The following SIRT4 variants were observed in gnomAD, a reference collection of about 807,000 sequenced individuals.
The protein encoded by SIRT4 is NAD-dependent protein lipoamidase sirtuin-4, mitochondrial.
Under a neutral mutation model 26.1 loss-of-function variants are expected in SIRT4, and 23 were observed. That is an observed-to-expected ratio of 0.88 (90% CI 0.63 to 1.25). SIRT4 has a LOEUF of 1.25. Ranked by LOEUF, SIRT4 falls within the 50% of genes most tolerant of loss-of-function variation. The pLI is 0.00. For missense variants in SIRT4, 361 were observed against 405.4 expected (o/e 0.89, Z 0.94); for synonymous variants, 155 against 158.4 (o/e 0.98, Z 0.16).
intron 2 of SIRT4, among the ~76,000 whole-genome samples, chr12:120,311,711 G>A (rs1364598845): frequency 8.5e-6 from 1 of 117,202 alleles, no homozygotes. Context: ...CTCCAACCTG[G>A]GCAATGAGAG....
rs1335125888 is a variant in SIRT4 at position 120,305,613 on chromosome 12, A to T, written c.497+1555A>T. On this transcript the variant is annotated intron_variant, in intron 2 of 3. Transcript: ENST00000202967. Reference sequence around the variant, plus strand: ...TCTCATCCCTCATGGGTCCAGGATCACTCTAGGGGAATTAATTCCCTAACA... The same window carrying T: ...TCTCATCCCTCATGGGTCCAGGATCTCTCTAGGGGAATTAATTCCCTAACA... Among the ~76,000 whole-genome samples, 5 of 152,026 alleles carry T rather than the reference A, an allele frequency of 3.3e-5. No individual in the cohort carries two copies. The East Asian group carries it at 9.7e-4, about 29-fold the overall frequency.
intron 2 of SIRT4, among the ~76,000 whole-genome samples, chr12:120,306,504 CAG>C (rs1872752330): frequency 6.7e-6 from 1 of 148,336 alleles, no homozygotes; most frequent in African/African-American, 2.5e-5. Flanking sequence ...AACAAAAAAA[CAG>C]AGAAAGGAAA....
intron 2 of SIRT4, among the ~76,000 whole-genome samples, chr12:120,306,934 T>A (rs1171050876): frequency 1.3e-5 from 2 of 152,208 alleles, no homozygotes; most frequent in African/African-American, 4.8e-5. Context: ...GCTAGATACA[T>A]AGACCATAAC....
At chr12:120,292,931 T>C in the SIRT4 span, among the ~76,000 whole-genome samples, 1 of 152,160 alleles carries the variant, frequency 6.6e-6, no homozygotes, top group African/African-American at 2.4e-5. Flanking sequence ...TAAACGCAAA[T>C]CACTAAAACA....
the SIRT4 span, among the ~76,000 whole-genome samples, chr12:120,296,826 G>A: frequency 6.6e-6 from 1 of 151,832 alleles, no homozygotes; most frequent in African/African-American, 2.4e-5. Flanking sequence ...TTAATTCACA[G>A]CCTGGATAAA....
the SIRT4 span, among the ~76,000 whole-genome samples, chr12:120,293,574 T>C: frequency 6.6e-6 from 1 of 152,220 alleles, no homozygotes; most frequent in East Asian, 1.9e-4. Flanking sequence ...AAGACGATTA[T>C]TGTTTTGTCT....
At chr12:120,295,384 T>G in the SIRT4 span, among the ~76,000 whole-genome samples, 13 of 146,108 alleles carry the variant, frequency 8.9e-5, no homozygotes, top group South Asian at 2.3e-3. Context: ...CTGGCTAATT[T>G]TATATATATA....
intron 2 of SIRT4, among the ~76,000 whole-genome samples, chr12:120,306,710 C>T (rs529005439): frequency 6.6e-6 from 1 of 150,994 alleles, no homozygotes; most frequent in African/African-American, 2.4e-5. Context: ...GGCTGAGGCA[C>T]GAGAGTCGCC....
the SIRT4 span, among the ~76,000 whole-genome samples, chr12:120,295,419 A>AAATT: frequency 1.2e-5 from 1 of 81,348 alleles, no homozygotes; most frequent in African/African-American, 4.2e-5. Context: ...TATATAGATA[A>AAATT]TTTTTTTTTT....
At chr12:120,307,582 G>A (rs1229321254) in intron 2 of SIRT4, among the ~76,000 whole-genome samples, 3 of 152,240 alleles carry the variant, frequency 2.0e-5, no homozygotes, top group East Asian at 1.9e-4. Flanking sequence ...ATAATTGGCC[G>A]GGCACGGTGG....
At chr12:120,294,326 G>C in the SIRT4 span, among the ~76,000 whole-genome samples, 1 of 150,264 alleles carries the variant, frequency 6.7e-6, no homozygotes, top group African/African-American at 2.5e-5. Context: ...TTTTTGAGAC[G>C]AAGTTTTGCT....
chr12:120,293,220 C>G, the SIRT4 span: 1 of 152,184 alleles, frequency 6.6e-6, no homozygotes, highest in South Asian at 2.1e-4. Flanking sequence ...GGCTACGATA[C>G]TGCCACTGCG....
the SIRT4 span, among the ~76,000 whole-genome samples, chr12:120,297,229 A>ATAC: frequency 4.7e-4 from 51 of 108,816 alleles, no homozygotes; most frequent in East Asian, 0.011. Context: ...TCTCAAAATA[A>ATAC]ATAAATACAT....
At chr12:120,299,092 G>A (rs1444314321), upstream of SIRT4, among the ~76,000 whole-genome samples, 1 of 149,674 alleles carries the variant, frequency 6.7e-6, no homozygotes, top group Admixed American at 6.7e-5. Flanking sequence ...TTAGCCGGGT[G>A]TGGTGGCGGG....
At position 120,312,725 on chromosome 12, in the gene SIRT4, T is replaced by A. The variant is rs1229284676; in HGVS notation, c.767T>A (p.Leu256His). 1 of 1,613,644 alleles carries A rather than the reference T, an allele frequency of 6.2e-7. No individual in the cohort carries two copies. The highest frequency in any genetic ancestry group is 1.7e-5 in the Admixed American group (1 of 59,904). The change falls in exon 3 of 4, where the codon CTC (leucine) becomes CAC (histidine). Residue 256 changes from leucine (L) to histidine (H), a missense_variant. By Grantham distance (99) the Leu-to-His change is moderately conservative (BLOSUM62 -3). Coordinates refer to ENST00000202967, the MANE Select transcript of SIRT4 (RefSeq NM_012240.3). The stretch of plus-strand genomic sequence containing the variant: ...AAGCGTGTAAAAGAAGCCGACTCCC[T>A]CTTGGTGGTGGGATCATCCTTGCAG... ...VHKRVKEADSLLVVGSSLQVY... is the reference protein window; with the variant it reads ...VHKRVKEADSHLVVGSSLQVY...
chr12:120,301,519 G>C (rs115317963), upstream of SIRT4, among the ~76,000 whole-genome samples: 1,781 of 152,260 alleles, frequency 0.012, 40 homozygotes, highest in African/African-American at 0.041. Flanking sequence ...TCAAATCTAG[G>C]CCGGGAACAG....
At position 120,303,671 on chromosome 12, in the gene SIRT4, C is replaced by A. The variant is rs761698760; in HGVS notation, c.110C>A (p.Pro37His). ...ASIGLFVPAS[P>H]PLDPEKVKEL... The stretch of plus-strand genomic sequence containing the variant: ...ATTGGGTTATTTGTGCCAGCAAGTC[C>A]TCCTCTGGACCCTGAGAAGGTCAAA... The change falls in exon 2 of 4, where the codon CCT (proline) becomes CAT (histidine). Residue 37 changes from proline (P) to histidine (H), a missense_variant. Physicochemically the swap from Pro to His is moderately conservative, Grantham distance 77 (BLOSUM62 -2). Coordinates refer to ENST00000202967, the MANE Select transcript of SIRT4 (RefSeq NM_012240.3). 2 of 1,614,140 alleles carry A rather than the reference C, an allele frequency of 1.2e-6. No individual in the cohort carries two copies. The highest frequency in any genetic ancestry group is 1.7e-6 in the Non-Finnish European group (2 of 1,180,034).
At chr12:120,294,373 C>A in the SIRT4 span, among the ~76,000 whole-genome samples, 1 of 151,488 alleles carries the variant, frequency 6.6e-6, no homozygotes, top group African/African-American at 2.4e-5. Flanking sequence ...GCGAGATCAA[C>A]CTCCGCCTCC....
In SIRT4 at chr12:120,313,219, TA is replaced by T; in HGVS notation, c.*186del. Reference sequence around the variant, plus strand: ...ATTCTTAATTAAAACTCATTTTTTTTAAATAAAAAATTGTTCAGCTTTATAT... The same window carrying T: ...ATTCTTAATTAAAACTCATTTTTTTTAATAAAAAATTGTTCAGCTTTATAT... On this transcript the variant is annotated 3_prime_UTR_variant, in exon 4 of 4. Coordinates refer to ENST00000202967, the MANE Select transcript of SIRT4 (RefSeq NM_012240.3). 1 of 652,370 alleles carries T rather than the reference TA, an allele frequency of 1.5e-6. No homozygotes were observed. The highest frequency in any genetic ancestry group is 2.5e-6 in the Non-Finnish European group (1 of 392,196). The allele number at this position is 652,370 out of a possible 1,614,324, so 40.4% of individuals were successfully genotyped here. A position where few individuals can be genotyped will look rare whatever the true frequency, so the allele number is the denominator to read the frequency against.
Sources: gnomAD v4.1 joint callset for allele counts (sites outside exome capture counted in the v4.1 genomes callset) on GRCh38, gnomAD v4.1.1 for gene constraint, MANE v1.5 for transcripts, NCBI Gene and HGNC (gene_info 2026-07-23, HGNC 2026-07-21) for gene names.